The following TLK1 variants were observed in gnomAD, a reference collection of about 807,000 sequenced individuals.
The protein encoded by TLK1 is tousled like kinase 1, also known as serine/threonine-protein kinase tousled-like 1.
TLK1 carries 24 observed loss-of-function variants against 105.3 expected under a neutral mutation model. The ratio of observed to expected loss-of-function variants is 0.23; its 90% CI spans 0.17 to 0.32. The LOEUF (loss-of-function observed/expected upper bound fraction) is 0.32, where lower values mean the gene tolerates loss of function less well. Ranked by LOEUF, TLK1 falls within the 10% of genes least tolerant of loss-of-function variation. The pLI is 1.00. For missense variants in TLK1, 558 were observed against 910.5 expected, an observed-to-expected ratio of 0.61 and a Z score of 4.98; for synonymous variants, 321 against 310.4, an observed-to-expected ratio of 1.03 and a Z score of -0.36.
intron 1 of TLK1, among the ~76,000 whole-genome samples, chr2:171,136,642 T>A (rs917128503): frequency 2.0e-5 from 3 of 152,132 alleles, no homozygotes; most frequent in African/African-American, 7.2e-5. Flanking sequence ...CAATTACAAT[T>A]TTGAAAAAAA....
chr2:171,070,990 T>C (rs997062796), intron 3 of TLK1, among the ~76,000 whole-genome samples: 7 of 152,218 alleles, frequency 4.6e-5, no homozygotes, highest in Non-Finnish European at 8.8e-5. Flanking sequence ...TGATATCTCA[T>C]TGTAATTTTG....
intron 2 of TLK1, among the ~76,000 whole-genome samples, chr2:171,104,645 C>T (rs2105510209): frequency 6.6e-6 from 1 of 152,182 alleles, no homozygotes; most frequent in South Asian, 2.1e-4. Flanking sequence ...CACTACTGGA[C>T]TTCAAAATAC....
chr2:170,996,815 G>A, intron 19 of TLK1, 55 bp from the exon 20 acceptor site: 2 of 1,444,372 alleles, frequency 1.4e-6, no homozygotes, highest in South Asian at 1.2e-5. Context: ...TTTAAACACA[G>A]ATATCATTTC....
intron 1 of TLK1, among the ~76,000 whole-genome samples, chr2:171,219,153 T>G (rs946631449): frequency 2.6e-5 from 4 of 152,200 alleles, no homozygotes; most frequent in Admixed American, 2.6e-4. Context: ...TAAAATTGTT[T>G]TCTTTCAGTT....
intron 1 of TLK1, among the ~76,000 whole-genome samples, chr2:171,139,232 T>C (rs1288730025): frequency 2.0e-5 from 3 of 152,204 alleles, no homozygotes; most frequent in Non-Finnish European, 4.4e-5. Flanking sequence ...TATATTGTAA[T>C]GCTCTGACGA....
At chr2:171,175,684 T>C (rs553858819) in intron 1 of TLK1, among the ~76,000 whole-genome samples, 1 of 151,762 alleles carries the variant, frequency 6.6e-6, no homozygotes, top group Non-Finnish European at 1.5e-5. Context: ...TTTATCTAAC[T>C]AGCCCTCCTA....
intron 3 of TLK1, among the ~76,000 whole-genome samples, chr2:171,064,241 G>T (rs946841532): frequency 2.0e-5 from 3 of 152,176 alleles, no homozygotes; most frequent in Admixed American, 2.0e-4. Flanking sequence ...AGGGGAAGGA[G>T]AAGGGAAGGA....
At chr2:171,184,800 CA>C (rs528489384) in intron 1 of TLK1, among the ~76,000 whole-genome samples, 3 of 152,100 alleles carry the variant, frequency 2.0e-5, no homozygotes, top group Non-Finnish European at 2.9e-5. Flanking sequence ...ATCCATTTAT[CA>C]GAAAGGATCT....
intron 3 of TLK1, among the ~76,000 whole-genome samples, chr2:171,079,324 T>C (rs892550065): frequency 3.9e-5 from 6 of 152,200 alleles, no homozygotes; most frequent in African/African-American, 7.2e-5. Context: ...GCAAATGGAA[T>C]TGGTGGTTTC....
intron 1 of TLK1, among the ~76,000 whole-genome samples, chr2:171,130,653 C>T (rs1691065938): frequency 6.6e-6 from 1 of 152,134 alleles, no homozygotes; most frequent in African/African-American, 2.4e-5. Flanking sequence ...TTCCAATCTA[C>T]TCACTTTCTA....
intron 2 of TLK1, among the ~76,000 whole-genome samples, chr2:171,086,940 C>G (rs778782280): frequency 7.9e-5 from 12 of 152,250 alleles, no homozygotes; most frequent in Non-Finnish European, 1.5e-4. Flanking sequence ...TATGCAAAAA[C>G]GGAGCAGACG....
intron 3 of TLK1, among the ~76,000 whole-genome samples, chr2:171,074,749 G>A (rs1367930205): frequency 6.6e-6 from 1 of 151,870 alleles, no homozygotes; most frequent in Non-Finnish European, 1.5e-5. Context: ...AGACAGAGGA[G>A]GTCAACAAGT....
chr2:171,126,264 A>G (rs1690863970), intron 1 of TLK1, among the ~76,000 whole-genome samples: 1 of 152,148 alleles, frequency 6.6e-6, no homozygotes, highest in Non-Finnish European at 1.5e-5. Context: ...TATGATGAAG[A>G]AAAATTTTAG....
At chr2:171,132,453 C>A (rs542597831) in intron 1 of TLK1, among the ~76,000 whole-genome samples, 7 of 152,290 alleles carry the variant, frequency 4.6e-5, no homozygotes, top group East Asian at 1.9e-4. Flanking sequence ...CTTACCCCCC[C>A]CAACACGAGT....
chr2:171,155,962 G>A (rs188336751), intron 1 of TLK1, among the ~76,000 whole-genome samples: 12 of 152,232 alleles, frequency 7.9e-5, no homozygotes, highest in African/African-American at 2.4e-4. Context: ...TTAAATACCT[G>A]GAGACAGCTA....
chr2:171,178,287 C>T (rs1402839786), intron 1 of TLK1, among the ~76,000 whole-genome samples: 1 of 152,102 alleles, frequency 6.6e-6, no homozygotes, highest in Non-Finnish European at 1.5e-5. Context: ...AGGGAAGAAA[C>T]CAGGATTGGA....
intron 3 of TLK1, among the ~76,000 whole-genome samples, chr2:171,075,871 C>T (rs1002158451): frequency 6.6e-6 from 1 of 152,172 alleles, no homozygotes; most frequent in Non-Finnish European, 1.5e-5. Context: ...TATGGTTTGA[C>T]TATGTGCCCT....
intron 1 of TLK1, among the ~76,000 whole-genome samples, chr2:171,210,040 T>C (rs1239013464): frequency 6.6e-6 from 1 of 152,160 alleles, no homozygotes; most frequent in Non-Finnish European, 1.5e-5. Flanking sequence ...ATCAGGTAAA[T>C]CAAAATACAG....
chr2:171,053,926 C>A (rs1687371469), intron 7 of TLK1, 73 bp from the exon 8 acceptor site: 1 of 1,138,680 alleles, frequency 8.8e-7, no homozygotes, highest in African/African-American at 1.6e-5. Flanking sequence ...CTAGATTTTA[C>A]TCCAAATTCA....
Sources: allele counts gnomAD v4.1 joint callset (sites outside exome capture counted in the v4.1 genomes callset), GRCh38; gene constraint gnomAD v4.1.1; transcripts MANE v1.5; gene names NCBI Gene and HGNC (gene_info 2026-07-23, HGNC 2026-07-21).